Variants in CWF19L2 observed in about 807,000 individuals in gnomAD.
CWF19L2 encodes CWF19 like cell cycle control factor 2.
In CWF19L2, 98 loss-of-function variants were observed where a neutral mutation model predicts 111.7. That is an observed-to-expected ratio of 0.88 (90% CI 0.75 to 1.04). The LOEUF is 1.04. Among genes scored for constraint, CWF19L2 ranks in the 50% least tolerant of loss-of-function variants. CWF19L2 has a pLI of 0.00. For missense variants in CWF19L2, 1,101 were observed against 1,051.4 expected (o/e 1.05, Z -0.65); for synonymous variants, 351 against 342.9 (o/e 1.02, Z -0.26).
At chr11:107,414,474 T>C (rs1001801902) in intron 10 of CWF19L2, among the ~76,000 whole-genome samples, 1 of 152,200 alleles carries the variant, frequency 6.6e-6, no homozygotes, top group Admixed American at 6.5e-5. Flanking sequence ...AAATATCACT[T>C]ACATGTTAAT....
chr11:107,416,796 A>G (rs1427706060), intron 9 of CWF19L2, among the ~76,000 whole-genome samples: 1 of 152,252 alleles, frequency 6.6e-6, no homozygotes, highest in African/African-American at 2.4e-5. Context: ...TACATTAAAT[A>G]AGTAGATTTA....
At position 107,353,543 on chromosome 11, in the gene CWF19L2, A is replaced by C. The variant is rs768418998; in HGVS notation, c.2066T>G (p.Ile689Ser). 11 of 1,613,626 alleles carry C rather than the reference A, an allele frequency of 6.8e-6. No individual in the cohort carries two copies. The South Asian group carries it at 1.2e-4, about 18-fold the overall frequency. ...FDSSQFPKHLIVAIGVKVYLC... is the reference protein window; with the variant it reads ...FDSSQFPKHLSVAIGVKVYLC... ...TCTTACCTTAACACCTATTGCAACAATAAGATGCTTGGGAAATTGAGAGCT... is the reference window on the plus strand; with the variant it reads ...TCTTACCTTAACACCTATTGCAACACTAAGATGCTTGGGAAATTGAGAGCT... The change falls in exon 13 of 18, where the codon ATT becomes AGT. Residue 689 changes from isoleucine to serine, a missense_variant. Physicochemically the swap from Ile to Ser is moderately radical, Grantham distance 142. Transcript: ENST00000282251.
intron 3 of CWF19L2, among the ~76,000 whole-genome samples, chr11:107,445,820 C>G (rs1405525492): frequency 1.3e-5 from 2 of 152,178 alleles, no homozygotes; most frequent in Non-Finnish European, 2.9e-5. Context: ...CTAGTTATCC[C>G]TCTTCTTTCC....
intron 10 of CWF19L2, among the ~76,000 whole-genome samples, chr11:107,413,656 C>T (rs1861188344): frequency 6.6e-6 from 1 of 152,166 alleles, no homozygotes; most frequent in Admixed American, 6.5e-5. Context: ...TCGTCCCAGT[C>T]CCTGCTTTTT....
intron 10 of CWF19L2, among the ~76,000 whole-genome samples, chr11:107,410,932 T>C (rs900546909): frequency 3.9e-5 from 6 of 152,064 alleles, no homozygotes; most frequent in Admixed American, 3.9e-4. Context: ...TGAAATAAAA[T>C]CTGGTGGGAC....
At chr11:107,432,006 G>A (rs1861471907) in intron 7 of CWF19L2, among the ~76,000 whole-genome samples, 1 of 152,036 alleles carries the variant, frequency 6.6e-6, no homozygotes, top group African/African-American at 2.4e-5. Flanking sequence ...AGTAAGTACA[G>A]CTGCATATTT....
At chr11:107,353,800 G>A (rs1053712418) in intron 12 of CWF19L2, 64 bp from the exon 13 acceptor site, 1 of 1,209,420 alleles carries the variant, frequency 8.3e-7, no homozygotes, top group South Asian at 1.3e-5. Flanking sequence ...ACTGCACTGT[G>A]GTATCCTAAA....
intron 11 of CWF19L2, among the ~76,000 whole-genome samples, chr11:107,391,918 T>C (rs1326424860): frequency 6.6e-6 from 1 of 152,200 alleles, no homozygotes; most frequent in Non-Finnish European, 1.5e-5. Context: ...TTTACTCCTA[T>C]ACCTAGATTG....
chr11:107,391,531 T>G (rs1860846979), intron 11 of CWF19L2, among the ~76,000 whole-genome samples: 1 of 152,210 alleles, frequency 6.6e-6, no homozygotes, highest in Admixed American at 6.5e-5. Flanking sequence ...AAACCCTTGT[T>G]CTGTAAACAG....
chr11:107,411,735 C>T (rs989418078), intron 10 of CWF19L2, among the ~76,000 whole-genome samples: 1 of 152,070 alleles, frequency 6.6e-6, no homozygotes, highest in Non-Finnish European at 1.5e-5. Context: ...TTTAATGCCC[C>T]TTCGGATATT....
intron 1 of CWF19L2, among the ~76,000 whole-genome samples, chr11:107,456,477 A>G (rs536216673): frequency 4.9e-4 from 75 of 152,218 alleles, no homozygotes; most frequent in African/African-American, 1.7e-3. Context: ...CACACACATT[A>G]CATATGTTGA....
intron 10 of CWF19L2, among the ~76,000 whole-genome samples, chr11:107,413,167 A>C (rs942874516): frequency 6.6e-6 from 1 of 152,184 alleles, no homozygotes; most frequent in African/African-American, 2.4e-5. Flanking sequence ...CAATTGTAAC[A>C]AATGTACTCC....
chr11:107,350,397 G>A (rs917528534), intron 13 of CWF19L2, among the ~76,000 whole-genome samples: 1 of 152,110 alleles, frequency 6.6e-6, no homozygotes, highest in African/African-American at 2.4e-5. Context: ...GGGACTTCGG[G>A]AGGTGATTAG....
At chr11:107,404,177 G>A in intron 10 of CWF19L2, 1 of 776,162 alleles carries the variant, frequency 1.3e-6, no homozygotes, top group South Asian at 1.3e-5. Context: ...ACGTAAGCAA[G>A]GTATGTGGGG....
intron 10 of CWF19L2, chr11:107,403,803 C>T: frequency 1.2e-6 from 1 of 865,108 alleles, no homozygotes; most frequent in Non-Finnish European, 2.0e-6. Context: ...TCCACTTCTA[C>T]TGTCAGACCG....
intron 10 of CWF19L2, among the ~76,000 whole-genome samples, chr11:107,413,910 T>C (rs546278271): frequency 6.6e-6 from 1 of 152,320 alleles, no homozygotes; most frequent in African/African-American, 2.4e-5. Flanking sequence ...AAACCAGTTT[T>C]AAACTTCATT....
chr11:107,343,210 T>C (rs1380969043), intron 14 of CWF19L2, among the ~76,000 whole-genome samples: 1 of 152,226 alleles, frequency 6.6e-6, no homozygotes, highest in Non-Finnish European at 1.5e-5. Flanking sequence ...TAAAATGAGG[T>C]GCTGAAGTCT....
intron 13 of CWF19L2, among the ~76,000 whole-genome samples, chr11:107,352,896 C>G (rs1860177388): frequency 6.6e-6 from 1 of 152,152 alleles, no homozygotes; most frequent in Non-Finnish European, 1.5e-5. Flanking sequence ...CTACTTTTCT[C>G]ACTGACTCCA....
At chr11:107,452,771 A>C (rs1861795129) in intron 3 of CWF19L2, among the ~76,000 whole-genome samples, 1 of 152,212 alleles carries the variant, frequency 6.6e-6, no homozygotes, top group Non-Finnish European at 1.5e-5. Context: ...GCAGGAGATC[A>C]CTAGAGCCCA....
Sources: gnomAD v4.1 joint callset for allele counts (sites outside exome capture counted in the v4.1 genomes callset) on GRCh38, gnomAD v4.1.1 for gene constraint, MANE v1.5 for transcripts, NCBI Gene and HGNC (gene_info 2026-07-23, HGNC 2026-07-21) for gene names.